CCDC178: variants seen among roughly 807,000 people sequenced by gnomAD.
The protein encoded by CCDC178 is coiled-coil domain-containing protein 178.
A neutral mutation model predicts 117.4 loss-of-function variants in CCDC178; 126 were observed. The observed-to-expected ratio is 1.07, with a 90% confidence interval of 0.93 to 1.24. The LOEUF is 1.24. Ranked by LOEUF, CCDC178 falls within the 50% of genes most tolerant of loss-of-function variation. The pLI, the probability that CCDC178 is intolerant of heterozygous loss-of-function variation, is 0.00. For missense variants in CCDC178, 1,030 were observed against 986.9 expected (o/e 1.04, Z -0.59); for synonymous variants, 283 against 313.4 (o/e 0.90, Z 1.02).
At chr18:33,231,054 C>T (rs1444100159) in intron 15 of CCDC178, among the ~76,000 whole-genome samples, 1 of 152,144 alleles carries the variant, frequency 6.6e-6, no homozygotes, top group Non-Finnish European at 1.5e-5. Context: ...GCCATGTATT[C>T]TTAAATATCA....
rs557095493 is a variant in CCDC178 at position 32,974,595 on chromosome 18, G to T, written c.2475C>A (p.Asn825Lys). The T allele has an allele frequency of 1.3e-5, 21 of 1,613,626 alleles. No homozygotes were observed. In the African/African-American group the frequency reaches 2.3e-4, roughly 17 times the overall value. The change falls in exon 22 of 23, where the codon AAC (asparagine) becomes AAA (lysine). Residue 825 changes from asparagine to lysine, a missense_variant. Asn to Lys is a moderately conservative substitution (Grantham distance 94, BLOSUM62 0). Transcript: ENST00000383096. ...VVLFSQMRLANFQTDSQESIQ... is the reference protein window; with the variant it reads ...VVLFSQMRLAKFQTDSQESIQ... ...TACTCTCCTGAGAGTCTGTCTGGAA[G>T]TTGGCCAGCCTCATCTGGCTGAAGA...
chr18:33,227,665 C>T (rs939070806), intron 15 of CCDC178, among the ~76,000 whole-genome samples: 2 of 151,054 alleles, frequency 1.3e-5, no homozygotes, highest in African/African-American at 4.9e-5. Context: ...AATACTGAAT[C>T]CCTCATCATA....
intron 20 of CCDC178, among the ~76,000 whole-genome samples, chr18:33,147,508 A>G (rs1329849252): frequency 6.6e-6 from 1 of 150,990 alleles, no homozygotes; most frequent in East Asian, 1.9e-4. Flanking sequence ...TAGGCAGAGG[A>G]CCCTGCGGCC....
chr18:33,293,496 C>CA (rs11314965), intron 11 of CCDC178, among the ~76,000 whole-genome samples, 184 bp from the exon 12 acceptor site: 7 of 147,942 alleles, frequency 4.7e-5, no homozygotes, highest in Admixed American at 1.4e-4. Flanking sequence ...AATGCCTTTA[C>CA]AAAAAAAAAA....
intron 20 of CCDC178, among the ~76,000 whole-genome samples, chr18:33,107,509 C>G (rs1700801739): frequency 6.6e-6 from 1 of 151,604 alleles, no homozygotes; most frequent in Non-Finnish European, 1.5e-5. Flanking sequence ...TCTAAAATCT[C>G]TAACTTCTAA....
chr18:32,979,275 C>T (rs1332272700), intron 21 of CCDC178, among the ~76,000 whole-genome samples: 2 of 151,992 alleles, frequency 1.3e-5, no homozygotes, highest in Non-Finnish European at 2.9e-5. Context: ...CCTGTCTCAG[C>T]CTCCCGAGTA....
chr18:33,193,988 A>C (rs963270396), intron 20 of CCDC178, among the ~76,000 whole-genome samples: 1 of 152,148 alleles, frequency 6.6e-6, no homozygotes, highest in Non-Finnish European at 1.5e-5. Flanking sequence ...AGGGGGCCAA[A>C]TATGTTCCTT....
At position 32,941,069 on chromosome 18, in the gene CCDC178, G is replaced by A. The variant is rs1356821069; in HGVS notation, c.2524-2978C>T. ...TAGCAGACCTAATAGAACTCCTGCA[G>A]TTTAATGATTTTTTTTTTTTTTAAT... On this transcript the variant is annotated intron_variant, in intron 22 of 22. Coordinates refer to ENST00000383096, the MANE Select transcript of CCDC178 (RefSeq NM_001105528.4). Among the ~76,000 whole-genome samples the A allele has an allele frequency of 1.4e-4, 22 of 151,834 alleles. No individual in the cohort carries two copies. In the East Asian group the frequency reaches 4.1e-3, roughly 28 times the overall value.
chr18:33,035,274 T>C lies in CCDC178; in HGVS notation c.2388+57487A>G, dbSNP rs568188778. ...TGAGTCAGAATGAATAAGCTGAGCA[T>C]AGAAAAACAGAAAAGCAGAAATTCC... is the stretch of plus-strand genomic sequence containing the variant. On this transcript the variant is annotated intron_variant, in intron 21 of 22. Coordinates refer to ENST00000383096, the MANE Select transcript of CCDC178 (RefSeq NM_001105528.4). 2.6e-5 allele frequency among the ~76,000 whole-genome samples: 4 copies of C among 151,784 alleles called. No individual in the cohort carries two copies. The South Asian group carries it at 6.2e-4, about 24-fold the overall frequency.
At chr18:33,425,057 G>A (rs1284079428) in intron 2 of CCDC178, among the ~76,000 whole-genome samples, 11 of 152,100 alleles carry the variant, frequency 7.2e-5, no homozygotes, top group African/African-American at 1.9e-4. Context: ...ACATATATAC[G>A]TATGTAACAA....
At chr18:33,338,414 G>C (rs1413355248) in intron 9 of CCDC178, among the ~76,000 whole-genome samples, 2 of 152,082 alleles carry the variant, frequency 1.3e-5, no homozygotes, top group Non-Finnish European at 2.9e-5. Flanking sequence ...TATCTACCCA[G>C]AGGAAAAGAA....
chr18:33,042,493 G>T (rs963611681), intron 21 of CCDC178, among the ~76,000 whole-genome samples: 3 of 151,858 alleles, frequency 2.0e-5, no homozygotes, highest in African/African-American at 7.2e-5. Flanking sequence ...AGTGGAGTTT[G>T]TTCTGTATCA....
intron 22 of CCDC178, among the ~76,000 whole-genome samples, chr18:32,945,958 ATCTT>A (rs1458799304): frequency 6.6e-6 from 1 of 152,096 alleles, no homozygotes; most frequent in Non-Finnish European, 1.5e-5. Flanking sequence ...TGACTGAATT[ATCTT>A]TCTTTATGTT....
chr18:32,966,959 G>GT (rs908718892), intron 22 of CCDC178, among the ~76,000 whole-genome samples: 10 of 151,396 alleles, frequency 6.6e-5, no homozygotes, highest in East Asian at 1.9e-4. Flanking sequence ...TAATTCTAAA[G>GT]TTTTTTTTGT....
intron 21 of CCDC178, among the ~76,000 whole-genome samples, chr18:33,073,542 T>G (rs1010070924): frequency 6.9e-6 from 1 of 145,674 alleles, no homozygotes; most frequent in African/African-American, 2.5e-5. Flanking sequence ...TATCTATCTA[T>G]CTATCTATCT....
At chr18:33,316,193 G>A (rs542811932) in intron 11 of CCDC178, among the ~76,000 whole-genome samples, 2 of 152,342 alleles carry the variant, frequency 1.3e-5, no homozygotes, top group African/African-American at 2.4e-5. Flanking sequence ...GCCAAGGCCG[G>A]AGCCAGCTCC....
chr18:33,252,486 C>G (rs1255796258), intron 14 of CCDC178, among the ~76,000 whole-genome samples: 2 of 151,270 alleles, frequency 1.3e-5, no homozygotes, highest in African/African-American at 2.4e-5. Flanking sequence ...AATTAAAAAC[C>G]AAAAGTAAAA....
intron 20 of CCDC178, among the ~76,000 whole-genome samples, chr18:33,097,668 A>G (rs2057563094): frequency 6.6e-6 from 1 of 152,094 alleles, no homozygotes; most frequent in Non-Finnish European, 1.5e-5. Flanking sequence ...TTTAAACACT[A>G]TATGCAATGC....
At chr18:33,197,325 A>G (rs1248955066) in intron 20 of CCDC178, among the ~76,000 whole-genome samples, 1 of 152,178 alleles carries the variant, frequency 6.6e-6, no homozygotes, top group Admixed American at 6.5e-5. Context: ...CACCGCATCC[A>G]GCCACTTGAT....
Sources: allele counts gnomAD v4.1 joint callset (sites outside exome capture counted in the v4.1 genomes callset), GRCh38; gene constraint gnomAD v4.1.1; transcripts MANE v1.5; gene names NCBI Gene and HGNC (gene_info 2026-07-23, HGNC 2026-07-21).